The following CDKL4 variants were observed in gnomAD, a reference collection of about 807,000 sequenced individuals.
CDKL4 encodes the protein cyclin dependent kinase like 4.
CDKL4 carries 44 observed loss-of-function variants against 42.0 expected under a neutral mutation model. The observed-to-expected ratio is 1.05, with a 90% confidence interval of 0.82 to 1.35. The LOEUF (loss-of-function observed/expected upper bound fraction) is 1.35, where lower values mean the gene tolerates loss of function less well. Among genes scored for constraint, CDKL4 ranks in the 40% most tolerant of loss-of-function variants. The pLI is 0.00. For synonymous variants in CDKL4, 120 were observed against 121.6 expected (o/e 0.99, Z 0.09); for missense variants, 393 against 369.9 (o/e 1.06, Z -0.51).
chr2:39,180,665 GC>G, intron 8 of CDKL4, among the ~76,000 whole-genome samples: 1 of 151,182 alleles, frequency 6.6e-6, no homozygotes, highest in Admixed American at 6.6e-5. Context: ...TACTGTTAGG[GC>G]TACAATCAGG....
intron 1 of CDKL4, among the ~76,000 whole-genome samples, chr2:39,234,781 G>A (rs1679276343): frequency 6.6e-6 from 1 of 152,078 alleles, no homozygotes. Flanking sequence ...ACATTACAAA[G>A]TAACAGTGCA....
At chr2:39,220,561 T>C (rs1166301915) in intron 3 of CDKL4, among the ~76,000 whole-genome samples, 1 of 152,028 alleles carries the variant, frequency 6.6e-6, no homozygotes, top group Admixed American at 6.6e-5. Context: ...TATAACAATA[T>C]GGGCACAACT....
At chr2:39,175,328 T>C (rs528725969), downstream of CDKL4, among the ~76,000 whole-genome samples, 42 of 152,276 alleles carry the variant, frequency 2.8e-4, no homozygotes, top group African/African-American at 1.0e-3. Flanking sequence ...GCGTTACTGA[T>C]GAGGATGGCA....
chr2:39,225,545 A>G (rs1421914631), intron 3 of CDKL4, among the ~76,000 whole-genome samples: 3 of 152,220 alleles, frequency 2.0e-5, no homozygotes, highest in Non-Finnish European at 4.4e-5. Context: ...TTATATGAAT[A>G]GGTTTCCTAG....
intron 3 of CDKL4, among the ~76,000 whole-genome samples, chr2:39,215,477 T>G (rs1274635451): frequency 1.3e-5 from 2 of 152,236 alleles, no homozygotes; most frequent in Non-Finnish European, 2.9e-5. Context: ...TTCAAAAATC[T>G]GAAACATAAG....
intron 3 of CDKL4, among the ~76,000 whole-genome samples, chr2:39,222,572 A>C (rs987896236): frequency 6.6e-6 from 1 of 152,228 alleles, no homozygotes; most frequent in East Asian, 1.9e-4. Context: ...CCTGGGCGAC[A>C]GTGTGAGACT....
At chr2:39,190,704 A>G (rs1432987348) in intron 5 of CDKL4, among the ~76,000 whole-genome samples, 1 of 152,154 alleles carries the variant, frequency 6.6e-6, no homozygotes, top group Admixed American at 6.6e-5. Context: ...TTAGATAATT[A>G]ACATCTCTTA....
chr2:39,188,310 C>G (rs1675951300), intron 6 of CDKL4, among the ~76,000 whole-genome samples: 1 of 151,888 alleles, frequency 6.6e-6, no homozygotes, highest in Admixed American at 6.6e-5. Flanking sequence ...CGCCTGTAAT[C>G]CCAGCACTTT....
downstream of CDKL4, among the ~76,000 whole-genome samples, chr2:39,174,357 A>G (rs1215446381): frequency 6.6e-6 from 1 of 150,710 alleles, no homozygotes. Flanking sequence ...CTGTGATTGC[A>G]CCACTGCACT....
chr2:39,171,835 G>T (rs1675007474), downstream of CDKL4, among the ~76,000 whole-genome samples: 1 of 152,308 alleles, frequency 6.6e-6, no homozygotes, highest in Non-Finnish European at 1.5e-5. Flanking sequence ...CACCATGATG[G>T]CGCAGTATTT....
chr2:39,178,553 T>C (rs1235386064), intron 9 of CDKL4: 10 of 1,550,828 alleles, frequency 6.4e-6, no homozygotes, highest in Admixed American at 2.0e-5. Flanking sequence ...GAGTTTACGA[T>C]TTAACTTCAA....
At chr2:39,237,370 C>A (rs546852462) in intron 1 of CDKL4, among the ~76,000 whole-genome samples, 3 of 152,240 alleles carry the variant, frequency 2.0e-5, no homozygotes, top group East Asian at 3.9e-4. Context: ...ATGATGAATA[C>A]AAGGGGACTT....
chr2:39,244,501 C>G (rs1053891201), upstream of CDKL4, among the ~76,000 whole-genome samples: 1 of 152,252 alleles, frequency 6.6e-6, no homozygotes, highest in Non-Finnish European at 1.5e-5. Context: ...TGGGCCTTAG[C>G]TGCCTTCCTG....
chr2:39,183,207 T>C (rs1675540179), intron 8 of CDKL4, among the ~76,000 whole-genome samples: 1 of 151,894 alleles, frequency 6.6e-6, no homozygotes, highest in South Asian at 2.1e-4. Context: ...TCGAACCTGG[T>C]TGGCGGAGGT....
intron 1 of CDKL4, among the ~76,000 whole-genome samples, chr2:39,233,811 T>G (rs981485804): frequency 6.6e-6 from 1 of 150,772 alleles, no homozygotes; most frequent in South Asian, 2.1e-4. Context: ...CTCTCATAAT[T>G]TGGAGATACG....
chr2:39,190,319 A>G (rs1189790341), exon 6 of CDKL4: 16 of 1,614,148 alleles, frequency 9.9e-6, no homozygotes, highest in Admixed American at 1.7e-5. Context: ...TGTTCTGATT[A>G]TCAGATAAAG....
At chr2:39,168,722 A>G in the CDKL4 span, among the ~76,000 whole-genome samples, 1 of 149,748 alleles carries the variant, frequency 6.7e-6, no homozygotes, top group Non-Finnish European at 1.5e-5. Context: ...AAAAAAAAAA[A>G]GAGAGAGCCT....
At chr2:39,176,280 G>T (rs566785776) in intron 9 of CDKL4, among the ~76,000 whole-genome samples, 184 bp from the exon 10 acceptor site, 2 of 152,112 alleles carry the variant, frequency 1.3e-5, no homozygotes, top group Non-Finnish European at 2.9e-5. Flanking sequence ...TAAAAATTAG[G>T]TTCTACTACT....
At chr2:39,233,364 C>T (rs1445525872) in intron 1 of CDKL4, among the ~76,000 whole-genome samples, 1 of 151,910 alleles carries the variant, frequency 6.6e-6, no homozygotes, top group Non-Finnish European at 1.5e-5. Context: ...CAGTGTGGCA[C>T]CATTTTTGGG....
Sources: allele counts gnomAD v4.1 joint callset (sites outside exome capture counted in the v4.1 genomes callset), GRCh38; gene constraint gnomAD v4.1.1; transcripts MANE v1.5; gene names NCBI Gene and HGNC (gene_info 2026-07-23, HGNC 2026-07-21).